Variants in AZIN1 observed in about 807,000 individuals in gnomAD.
The protein encoded by AZIN1 is ornithine decarboxylase antizyme inhibitor.
In AZIN1, 12 loss-of-function variants were observed where a neutral mutation model predicts 47.4. The ratio of observed to expected loss-of-function variants is 0.25; its 90% CI spans 0.16 to 0.41. The LOEUF is 0.41. Among genes scored for constraint, AZIN1 ranks in the 10% least tolerant of loss-of-function variants. The pLI, the probability that AZIN1 is intolerant of heterozygous loss-of-function variation, is 1.00. For missense variants in AZIN1, 410 were observed against 532.4 expected (o/e 0.77, Z 2.26); for synonymous variants, 155 against 176.3 (o/e 0.88, Z 0.96).
chr8:102,857,291 T>A (rs1813353130), intron 2 of AZIN1, among the ~76,000 whole-genome samples: 1 of 152,200 alleles, frequency 6.6e-6, no homozygotes, highest in Non-Finnish European at 1.5e-5. Flanking sequence ...TACCCTCAGC[T>A]TTCCTGAAAA....
At chr8:102,846,665 C>A (rs1191499692) in intron 2 of AZIN1, among the ~76,000 whole-genome samples, 2 of 152,024 alleles carry the variant, frequency 1.3e-5, no homozygotes, top group Non-Finnish European at 2.9e-5. Context: ...GGAAATCCAA[C>A]ACAGTTCTCA....
intron 1 of AZIN1, 31 bp from the exon 2 acceptor site, chr8:102,858,181 T>C (rs1813409211): frequency 2.5e-6 from 1 of 398,636 alleles, no homozygotes; most frequent in Non-Finnish European, 4.4e-6. Context: ...TAGCAGAAGA[T>C]AGTCCTATGT....
chr8:102,829,752 A>G, intron 10 of AZIN1, 69 bp downstream of exon 10: 1 of 1,172,936 alleles, frequency 8.5e-7, no homozygotes, highest in South Asian at 1.3e-5. Flanking sequence ...AAAACTGGGA[A>G]GCATCTTAAA....
chr8:102,853,398 A>T (rs1395779881), intron 2 of AZIN1, among the ~76,000 whole-genome samples: 1 of 152,206 alleles, frequency 6.6e-6, no homozygotes, highest in Non-Finnish European at 1.5e-5. Flanking sequence ...GCCACTCAGG[A>T]CGCTGAGGCA....
At chr8:102,852,524 T>C (rs937165273) in intron 2 of AZIN1, among the ~76,000 whole-genome samples, 2 of 152,052 alleles carry the variant, frequency 1.3e-5, no homozygotes, top group Non-Finnish European at 2.9e-5. Context: ...GCAGTGAGAC[T>C]GAACCACTGC....
intron 2 of AZIN1, among the ~76,000 whole-genome samples, chr8:102,851,777 T>G (rs2131265527): frequency 6.6e-6 from 1 of 152,310 alleles, no homozygotes; most frequent in South Asian, 2.1e-4. Context: ...GTTTAGACCT[T>G]CTCTAATCAT....
At chr8:102,843,810 T>C (rs987934957) in intron 2 of AZIN1, 63 bp from the exon 3 acceptor site, 14 of 1,189,022 alleles carry the variant, frequency 1.2e-5, no homozygotes, top group Non-Finnish European at 1.4e-5. Flanking sequence ...TACGAGTCAA[T>C]GAAAGTGTGC....
rs770395901 is a variant in AZIN1, at chr8:102,829,931, T to C, written c.910A>G (p.Lys304Glu). Reference protein sequence around the residue: ...ENDKFPSGVEKTGSDEPAFMY... With the variant: ...ENDKFPSGVEETGSDEPAFMY... ...AAGGCTGGTTCATCACTTCCGGTTT[T>C]TTCTACTGGAATAAAACAGGAAAGG... is the stretch of plus-strand genomic sequence containing the variant. The change falls in exon 10 of 12, where the codon AAA becomes GAA. Residue 304 changes from lysine to glutamate, a missense_variant. Coordinates refer to ENST00000337198, the MANE Select transcript of AZIN1 (RefSeq NM_148174.4). 2.5e-6 allele frequency: 4 copies of C among 1,593,058 alleles called. No homozygotes were observed. Among genetic ancestry groups the C allele is most frequent in the African/African-American group, 2.7e-5 (2 of 74,236 alleles).
Position 102,828,114 on chromosome 8 carries a change from A to G in AZIN1, c.*453T>C, listed in dbSNP as rs1811206902. On this transcript the variant is annotated 3_prime_UTR_variant, in exon 12 of 12. Coordinates refer to ENST00000337198, the MANE Select transcript of AZIN1 (RefSeq NM_148174.4). ...TACAGTTCAAAGCACAAATTTACAC[A>G]TTCTAAATACACTAAACGTTATCTA... 6.5e-6 allele frequency: 1 copy of G among 152,930 alleles called. No individual in the cohort carries two copies. The highest frequency in any genetic ancestry group is 1.5e-5 in the Non-Finnish European group (1 of 68,208). The allele number at this position is 152,930 out of a possible 1,614,324, so 9.5% of individuals were successfully genotyped here.
chr8:102,853,187 G>A (rs972327400), intron 2 of AZIN1, among the ~76,000 whole-genome samples: 5 of 152,234 alleles, frequency 3.3e-5, no homozygotes, highest in Non-Finnish European at 7.3e-5. Context: ...TGTAATAAAT[G>A]CAAAAGCCAT....
intron 1 of AZIN1, among the ~76,000 whole-genome samples, chr8:102,859,384 C>T (rs1327614639): frequency 6.6e-6 from 1 of 152,208 alleles, no homozygotes; most frequent in Non-Finnish European, 1.5e-5. Context: ...TCATCTTTTT[C>T]TCAATACATA....
chr8:102,830,458 T>C (rs1233013188), intron 9 of AZIN1, among the ~76,000 whole-genome samples: 2 of 149,072 alleles, frequency 1.3e-5, no homozygotes, highest in African/African-American at 2.5e-5. Context: ...TTTCTGATAG[T>C]TGCTGTTTCA....
intron 2 of AZIN1, among the ~76,000 whole-genome samples, chr8:102,844,116 T>C (rs1221828047): frequency 1.3e-5 from 2 of 152,218 alleles, no homozygotes; most frequent in African/African-American, 4.8e-5. Context: ...GTGAAATAAG[T>C]ATCTGCATCC....
intron 1 of AZIN1, among the ~76,000 whole-genome samples, chr8:102,860,172 T>G (rs138772899): frequency 6.6e-6 from 1 of 152,248 alleles, no homozygotes; most frequent in African/African-American, 2.4e-5. Context: ...GAATGGTGTA[T>G]GTAAACACTG....
At chr8:102,844,834 C>T (rs999939706) in intron 2 of AZIN1, among the ~76,000 whole-genome samples, 2 of 152,256 alleles carry the variant, frequency 1.3e-5, no homozygotes, top group South Asian at 2.1e-4. Flanking sequence ...AAATCCTATC[C>T]CTCTCCACTC....
chr8:102,833,048 T>C lies in AZIN1; in HGVS notation c.904+8A>G. 6.3e-7 allele frequency: 1 copy of C among 1,596,884 alleles called. No homozygotes were observed. Among genetic ancestry groups the C allele is most frequent in the South Asian group, 1.1e-5 (1 of 90,502 alleles). ...AACAAAAATAAAACTATAAACTTTA[T>C]AACTTACCTCCAGAGGGAAATTTAT... On this transcript the variant is annotated splice_region_variant and intron_variant, in intron 9 of 11. Transcript: ENST00000337198.
chr8:102,829,750 G>C, intron 10 of AZIN1, 71 bp downstream of exon 10: 1 of 1,165,246 alleles, frequency 8.6e-7, no homozygotes, highest in Non-Finnish European at 1.3e-6. Flanking sequence ...AAAAAACTGG[G>C]AAGCATCTTA....
chr8:102,839,550 C>G, intron 4 of AZIN1, 100 bp downstream of exon 4: 1 of 854,710 alleles, frequency 1.2e-6, no homozygotes. Context: ...AAACTCCATC[C>G]AAAAGTCAAA....
chr8:102,841,679 A>C (rs1192831438), intron 3 of AZIN1, among the ~76,000 whole-genome samples: 1 of 152,036 alleles, frequency 6.6e-6, no homozygotes, highest in South Asian at 2.1e-4. Context: ...AGAAGGAGAA[A>C]ATTTTGGATA....
Sources: gnomAD v4.1 joint callset for allele counts (sites outside exome capture counted in the v4.1 genomes callset) on GRCh38, gnomAD v4.1.1 for gene constraint, MANE v1.5 for transcripts, NCBI Gene and HGNC (gene_info 2026-07-23, HGNC 2026-07-21) for gene names.